RBM19: variants seen among roughly 807,000 people sequenced by gnomAD.
RBM19 encodes RNA binding motif protein 19.
In RBM19, 94 loss-of-function variants were observed where a neutral mutation model predicts 116.8. The ratio of observed to expected loss-of-function variants is 0.80; its 90% CI spans 0.68 to 0.95. The LOEUF is 0.95. RBM19 is among the 40% of genes least tolerant of loss of function. RBM19 has a pLI of 0.00. For missense variants in RBM19, 1,161 were observed against 1,220.7 expected, an observed-to-expected ratio of 0.95 and a Z score of 0.73; for synonymous variants, 475 against 494.1, an observed-to-expected ratio of 0.96 and a Z score of 0.51.
At chr12:113,831,081 G>A (rs1401512360) in intron 23 of RBM19, among the ~76,000 whole-genome samples, 1 of 152,200 alleles carries the variant, frequency 6.6e-6, no homozygotes, top group Non-Finnish European at 1.5e-5. Flanking sequence ...GTGCCCTGTG[G>A]GAATGTGGAA....
intron 23 of RBM19, among the ~76,000 whole-genome samples, chr12:113,832,521 A>G (rs1283030356): frequency 1.3e-5 from 2 of 152,190 alleles, no homozygotes; most frequent in Non-Finnish European, 2.9e-5. Context: ...GGTCAGGGAT[A>G]AATCACCCAC....
At chr12:113,922,483 TC>T (rs1566018792) in intron 18 of RBM19, among the ~76,000 whole-genome samples, 1 of 151,876 alleles carries the variant, frequency 6.6e-6, no homozygotes, top group Non-Finnish European at 1.5e-5. Flanking sequence ...TGAAGAGTGC[TC>T]CCCAGGAGTA....
At chr12:113,965,091 C>T (rs1460703061) in intron 1 of RBM19, among the ~76,000 whole-genome samples, 1 of 151,642 alleles carries the variant, frequency 6.6e-6, no homozygotes, top group Non-Finnish European at 1.5e-5. Flanking sequence ...TCCAACATGG[C>T]GAAACCCCAT....
At chr12:113,955,024 T>C in intron 7 of RBM19, 107 bp downstream of exon 7, 5 of 1,100,794 alleles carry the variant, frequency 4.5e-6, no homozygotes, top group Admixed American at 1.9e-5. Flanking sequence ...TTCCAGCTCA[T>C]GTCCTCAACC....
intron 13 of RBM19, among the ~76,000 whole-genome samples, chr12:113,944,615 T>G (rs1110721): frequency 0.27 from 41,610 of 151,730 alleles, 5,895 homozygotes; most frequent in Middle Eastern, 0.41. Flanking sequence ...CTGGGCCACA[T>G]AGTGAGACCC....
chr12:113,925,323 GA>G (rs1868970316), intron 17 of RBM19, among the ~76,000 whole-genome samples: 1 of 152,200 alleles, frequency 6.6e-6, no homozygotes, highest in African/African-American at 2.4e-5. Context: ...GGGCCGGGGA[GA>G]AACTTGAGAA....
At chr12:113,897,036 C>T (rs1188951863) in intron 21 of RBM19, among the ~76,000 whole-genome samples, 1 of 152,184 alleles carries the variant, frequency 6.6e-6, no homozygotes, top group Non-Finnish European at 1.5e-5. Flanking sequence ...CCCTGAGGTG[C>T]CTTGGTACAC....
At position 113,957,626 on chromosome 12, in the gene RBM19, C is replaced by A. The variant is rs115046557; in HGVS notation, c.840+156G>T. The stretch of plus-strand genomic sequence containing the variant: ...AGAAAAGAAACGCAGAAAGAACACA[C>A]GGCGAGCAAGCGGCAGGGCCAAGAT... On this transcript the variant is annotated intron_variant, in intron 6 of 23. Transcript: ENST00000261741. Among the ~76,000 whole-genome samples, 1,314 of 152,254 alleles carry A rather than the reference C, an allele frequency of 8.6e-3. 15 individuals carry two copies. Among genetic ancestry groups the A allele is most frequent in the African/African-American group, 0.03 (1,250 of 41,550 alleles).
intron 9 of RBM19, among the ~76,000 whole-genome samples, chr12:113,949,681 G>C (rs2135925496): frequency 6.6e-6 from 1 of 152,090 alleles, no homozygotes; most frequent in African/African-American, 2.4e-5. Flanking sequence ...TCCCTCTACT[G>C]AACATCCTGT....
intron 15 of RBM19, among the ~76,000 whole-genome samples, chr12:113,938,783 A>G (rs966148553): frequency 1.3e-5 from 2 of 152,164 alleles, no homozygotes; most frequent in African/African-American, 4.8e-5. Flanking sequence ...GAGAAACTGG[A>G]GTGATGCAGC....
At chr12:113,955,238 G>A (rs1871824150) in intron 6 of RBM19, 27 bp from the exon 7 acceptor site, 1 of 1,603,662 alleles carries the variant, frequency 6.2e-7, no homozygotes, top group Admixed American at 1.7e-5. Flanking sequence ...ACAAACAGAA[G>A]TGGCCACACT....
At chr12:113,961,824 A>C (rs893837240) in intron 2 of RBM19, among the ~76,000 whole-genome samples, 2 of 152,252 alleles carry the variant, frequency 1.3e-5, no homozygotes, top group Non-Finnish European at 2.9e-5. Context: ...GCCCAGAGAC[A>C]GCAGGCTCCA....
chr12:113,927,493 G>C (rs1460493952), intron 16 of RBM19: 3 of 407,772 alleles, frequency 7.4e-6, no homozygotes, highest in Non-Finnish European at 1.3e-5. Context: ...GCCTTAAACA[G>C]GACCAGCTCA....
intron 23 of RBM19, among the ~76,000 whole-genome samples, chr12:113,830,579 G>GGGGGGGGGGGGGGGGGT (rs1875311489): frequency 9.1e-6 from 1 of 109,558 alleles, no homozygotes; most frequent in Non-Finnish European, 2.0e-5. Context: ...GCGGGGCGGG[G>GGGGGGGGGGGGGGGGGT]GGGGGGGGGG....
At chr12:113,958,161 C>A in intron 5 of RBM19, 111 bp from the exon 6 acceptor site, 1 of 1,503,990 alleles carries the variant, frequency 6.6e-7, no homozygotes. Flanking sequence ...CCATGCCCAC[C>A]GTGTCCATGG....
chr12:113,957,021 G>A (rs1042576180), intron 6 of RBM19, among the ~76,000 whole-genome samples: 15 of 152,172 alleles, frequency 9.9e-5, no homozygotes, highest in African/African-American at 3.6e-4. Context: ...AAATACAAAG[G>A]ATAAAGGCTC....
chr12:113,932,998 G>A (rs1030550095), intron 16 of RBM19, among the ~76,000 whole-genome samples: 1 of 152,038 alleles, frequency 6.6e-6, no homozygotes, highest in Non-Finnish European at 1.5e-5. Context: ...CCCCTTTCCC[G>A]GCTCTCGGCG....
intron 21 of RBM19, among the ~76,000 whole-genome samples, chr12:113,878,564 C>G (rs1287728955): frequency 6.6e-6 from 1 of 151,918 alleles, no homozygotes; most frequent in Non-Finnish European, 1.5e-5. Context: ...GGACAAGCCA[C>G]CTTACCACCC....
At chr12:113,860,563 T>C (rs970665811) in intron 21 of RBM19, among the ~76,000 whole-genome samples, 13 of 152,198 alleles carry the variant, frequency 8.5e-5, no homozygotes, top group Non-Finnish European at 1.6e-4. Flanking sequence ...ATGAGGCAAC[T>C]GAGAGGCACA....
Sources: allele counts gnomAD v4.1 joint callset (sites outside exome capture counted in the v4.1 genomes callset), GRCh38; gene constraint gnomAD v4.1.1; transcripts MANE v1.5; gene names NCBI Gene and HGNC (gene_info 2026-07-23, HGNC 2026-07-21).